KCNMB2: variants seen among roughly 807,000 people sequenced by gnomAD.
The protein encoded by KCNMB2 is potassium calcium-activated channel subfamily M regulatory beta subunit 2.
A neutral mutation model predicts 24.5 loss-of-function variants in KCNMB2; 9 were observed. The ratio of observed to expected loss-of-function variants is 0.37; its 90% confidence interval spans 0.22 to 0.64. The LOEUF (loss-of-function observed/expected upper bound fraction) is 0.64, where lower values mean the gene tolerates loss of function less well. KCNMB2 is among the 30% of genes least tolerant of loss of function. KCNMB2 has a pLI of 0.63. For missense variants in KCNMB2, 226 were observed against 284.3 expected (o/e 0.79, Z 1.47); for synonymous variants, 109 against 104.4 (o/e 1.04, Z -0.27).
At chr3:178,733,446 G>A (rs1723216725) in intron 1 of KCNMB2, among the ~76,000 whole-genome samples, 2 of 152,000 alleles carry the variant, frequency 1.3e-5, no homozygotes, top group Admixed American at 6.6e-5. Flanking sequence ...TTGAGAAGAG[G>A]AGGGATATAA....
At chr3:178,734,271 G>C (rs1472516321) in intron 1 of KCNMB2, among the ~76,000 whole-genome samples, 1 of 152,168 alleles carries the variant, frequency 6.6e-6, no homozygotes, top group Non-Finnish European at 1.5e-5. Flanking sequence ...GTACCTATGT[G>C]TGAAGTTTTC....
chr3:178,544,946 T>C (rs926715274), intron 1 of KCNMB2, among the ~76,000 whole-genome samples: 2 of 152,216 alleles, frequency 1.3e-5, no homozygotes, highest in African/African-American at 4.8e-5. Context: ...GATTAATATA[T>C]GCCCTCCTCC....
intron 1 of KCNMB2, among the ~76,000 whole-genome samples, chr3:178,593,635 C>T (rs557000244): frequency 6.6e-6 from 1 of 151,748 alleles, no homozygotes; most frequent in African/African-American, 2.4e-5. Flanking sequence ...TATTTAATGT[C>T]CATAATATGG....
intron 1 of KCNMB2, among the ~76,000 whole-genome samples, chr3:178,703,915 T>A (rs1170057469): frequency 1.3e-5 from 2 of 152,282 alleles, no homozygotes; most frequent in East Asian, 1.9e-4. Flanking sequence ...TAGCATAAAG[T>A]AACACAATTC....
chr3:178,546,814 T>TATGACTGC (rs1242023281), intron 1 of KCNMB2, among the ~76,000 whole-genome samples: 5 of 152,324 alleles, frequency 3.3e-5, no homozygotes, highest in Admixed American at 6.5e-5. Flanking sequence ...CAAAGGTATC[T>TATGACTGC]ATGACTGCAG....
chr3:178,619,783 A>T (rs757618639), intron 1 of KCNMB2, among the ~76,000 whole-genome samples: 16 of 152,178 alleles, frequency 1.1e-4, no homozygotes, highest in Non-Finnish European at 2.1e-4. Flanking sequence ...ATTTTTACTG[A>T]GTCTTGTGAG....
intron 4 of KCNMB2, among the ~76,000 whole-genome samples, chr3:178,831,884 C>G (rs1205033276): frequency 6.6e-6 from 1 of 152,060 alleles, no homozygotes; most frequent in Non-Finnish European, 1.5e-5. Context: ...GCACCTAAAC[C>G]TAAAATAAAA....
At chr3:178,647,059 C>T (rs186262720) in intron 1 of KCNMB2, among the ~76,000 whole-genome samples, 59 of 152,218 alleles carry the variant, frequency 3.9e-4, no homozygotes, top group African/African-American at 1.4e-3. Context: ...GTTGATTCTG[C>T]TACATCAATT....
intron 1 of KCNMB2, among the ~76,000 whole-genome samples, chr3:178,780,711 C>A (rs1712796178): frequency 6.6e-6 from 1 of 152,172 alleles, no homozygotes. Context: ...TGAAAATTTG[C>A]ATGACCTTGG....
At position 178,843,280 on chromosome 3, in the gene KCNMB2, C is replaced by T; in HGVS notation, c.*343C>T. On this transcript the variant is annotated 3_prime_UTR_variant, in exon 5 of 5. Coordinates refer to ENST00000452583, the MANE Select transcript of KCNMB2 (RefSeq NM_181361.3). ...ACATCAATGTGATAAAGTCTGTGTT[C>T]TGAGTTGTCAGATCTCTTGAAGACA... The T allele has an allele frequency of 2.1e-6, 1 of 466,142 alleles. No individual in the cohort carries two copies. The highest frequency in any genetic ancestry group is 6.6e-5 in the East Asian group (1 of 15,148). The allele number at this position is 466,142 out of a possible 1,614,324, so 28.9% of individuals were successfully genotyped here.
intron 1 of KCNMB2, among the ~76,000 whole-genome samples, chr3:178,774,009 G>A (rs1712479769): frequency 2.6e-5 from 4 of 152,176 alleles, no homozygotes. Flanking sequence ...CTGAGCATTG[G>A]TGTCTGGTGA....
At chr3:178,576,789 C>T (rs1029443042) in intron 1 of KCNMB2, among the ~76,000 whole-genome samples, 1 of 152,212 alleles carries the variant, frequency 6.6e-6, no homozygotes, top group South Asian at 2.1e-4. Context: ...GACTGCCTGT[C>T]TAGATTCATC....
rs568011834 is a variant in KCNMB2, at chr3:178,596,718, C to T, written c.-68+60007C>T. On this transcript the variant is annotated intron_variant, in intron 1 of 4. Transcript: ENST00000452583. Reference sequence around the variant, plus strand: ...ACCCCCGCCCCCAACCCAGGAATTGCCAAACCCTGATACAATTAGTGAAGT... The same window carrying T: ...ACCCCCGCCCCCAACCCAGGAATTGTCAAACCCTGATACAATTAGTGAAGT... 3.9e-5 allele frequency among the ~76,000 whole-genome samples: 6 copies of T among 152,012 alleles called. No individual in the cohort carries two copies. The East Asian group carries it at 9.7e-4, about 25-fold the overall frequency.
chr3:178,823,289 G>A, intron 2 of KCNMB2, among the ~76,000 whole-genome samples: 1 of 152,164 alleles, frequency 6.6e-6, no homozygotes, highest in East Asian at 1.9e-4. Flanking sequence ...GAGGCATTGG[G>A]ATTGGGAGCT....
intron 1 of KCNMB2, among the ~76,000 whole-genome samples, chr3:178,756,622 T>C (rs1212198015): frequency 6.6e-6 from 1 of 152,180 alleles, no homozygotes; most frequent in Non-Finnish European, 1.5e-5. Flanking sequence ...TTGTCCATTA[T>C]GCCTATTTTT....
intron 1 of KCNMB2, among the ~76,000 whole-genome samples, chr3:178,771,198 C>T (rs1407576178): frequency 6.6e-6 from 1 of 152,140 alleles, no homozygotes; most frequent in Non-Finnish European, 1.5e-5. Flanking sequence ...ATCTCCAACG[C>T]TACCCTACTG....
At chr3:178,582,412 T>A (rs1717248098) in intron 1 of KCNMB2, among the ~76,000 whole-genome samples, 1 of 151,944 alleles carries the variant, frequency 6.6e-6, no homozygotes, top group Non-Finnish European at 1.5e-5. Context: ...CTAATGTAGG[T>A]GACAGGTTGA....
chr3:178,759,541 C>CTCCAAGAGGATATATATACATATATCTT (rs1711611982), intron 1 of KCNMB2, among the ~76,000 whole-genome samples: 2 of 120,208 alleles, frequency 1.7e-5, no homozygotes, highest in African/African-American at 6.5e-5. Context: ...ACATATATCT[C>CTCCAAGAGGATATATATACATATATCTT]TCTCCAAGAG....
chr3:178,787,520 A>G (rs1211665555), intron 1 of KCNMB2, among the ~76,000 whole-genome samples: 1 of 152,200 alleles, frequency 6.6e-6, no homozygotes, highest in Non-Finnish European at 1.5e-5. Flanking sequence ...AGACAAATGT[A>G]AAAAAGCATT....
Sources: allele counts gnomAD v4.1 joint callset (sites outside exome capture counted in the v4.1 genomes callset), GRCh38; gene constraint gnomAD v4.1.1; transcripts MANE v1.5; gene names NCBI Gene and HGNC (gene_info 2026-07-23, HGNC 2026-07-21).